Variants in TMPRSS11E observed in about 807,000 individuals in gnomAD.
The protein encoded by TMPRSS11E is transmembrane protease serine 11E.
A neutral mutation model predicts 48.1 loss-of-function variants in TMPRSS11E; 38 were observed. The ratio of observed to expected loss-of-function variants is 0.79; its 90% confidence interval spans 0.61 to 1.04. The LOEUF (loss-of-function observed/expected upper bound fraction) is 1.04. Among genes scored for constraint, TMPRSS11E ranks in the 50% least tolerant of loss-of-function variants. TMPRSS11E has a pLI of 0.00. For synonymous variants in TMPRSS11E, 158 were observed against 171.9 expected, an observed-to-expected ratio of 0.92 and a Z score of 0.63; for missense variants, 530 against 510.8, an observed-to-expected ratio of 1.04 and a Z score of -0.36.
intron 5 of TMPRSS11E, among the ~76,000 whole-genome samples, chr4:68,474,501 T>C (rs1259526814): frequency 6.6e-6 from 1 of 152,140 alleles, no homozygotes; most frequent in Non-Finnish European, 1.5e-5. Context: ...ATTATAAATA[T>C]GCTTCCTATG....
chr4:68,478,891 T>G lies in TMPRSS11E; in HGVS notation c.1010T>G (p.Ile337Arg). The G allele has an allele frequency of 2.5e-6, 4 of 1,614,062 alleles. No homozygotes were observed. The highest frequency in any genetic ancestry group is 3.4e-6 in the Non-Finnish European group (4 of 1,179,964). Residue 337 changes from isoleucine (I) to arginine (R), a missense_variant, in exon 9 of 10, where the codon ATA (isoleucine) becomes AGA (arginine). By Grantham distance (97) the Ile-to-Arg change is moderately conservative. Coordinates refer to ENST00000305363, the MANE Select transcript of TMPRSS11E (RefSeq NM_014058.4). Reference sequence around the variant, plus strand: ...CTTCGACAAGCACAGGTGACTCTCATAGACGCTACAACTTGCAATGAACCT... The same window carrying G: ...CTTCGACAAGCACAGGTGACTCTCAGAGACGCTACAACTTGCAATGAACCT... Reference protein sequence around the residue: ...NHLRQAQVTLIDATTCNEPQA... With the variant: ...NHLRQAQVTLRDATTCNEPQA...
chr4:68,496,983 G>A lies in TMPRSS11E; in HGVS notation c.*179G>A, dbSNP rs1379283109. 3 of 571,136 alleles carry A rather than the reference G, an allele frequency of 5.3e-6. No individual in the cohort carries two copies. The highest frequency in any genetic ancestry group is 9.2e-6 in the Non-Finnish European group (3 of 326,466). 35.4% of individuals were successfully genotyped at this position (571,136 alleles called of 1,614,324 possible). ...GCTCTGTTCCGCACATAAGCATCCT[G>A]CTTCTGCCAGATCAACTCTGTCATC... On this transcript the variant is annotated 3_prime_UTR_variant, in exon 10 of 10. Coordinates refer to ENST00000305363, the MANE Select transcript of TMPRSS11E (RefSeq NM_014058.4).
chr4:68,449,437 C>T (rs1293826538), intron 1 of TMPRSS11E, among the ~76,000 whole-genome samples: 1 of 151,384 alleles, frequency 6.6e-6, no homozygotes, highest in East Asian at 1.9e-4. Flanking sequence ...AATTTATAGG[C>T]ATCGACATCC....
chr4:68,464,252 C>T (rs1728870157), intron 2 of TMPRSS11E, among the ~76,000 whole-genome samples: 1 of 151,998 alleles, frequency 6.6e-6, no homozygotes, highest in Admixed American at 6.6e-5. Flanking sequence ...TCAAACCAAA[C>T]CAAAAAAATC....
chr4:68,477,559 G>A lies in TMPRSS11E; in HGVS notation c.898G>A (p.Asp300Asn). ...TGCAGTACATAGAGTTTGTCTCCCT[G>A]ATGCATCCTATGAGTTTCAACCAGG... ...TNAVHRVCLPDASYEFQPGDV... is the reference protein window; with the variant it reads ...TNAVHRVCLPNASYEFQPGDV... The change falls in exon 8 of 10, where the codon GAT becomes AAT. Residue 300 changes from aspartate (D) to asparagine (N), a missense_variant. Coordinates refer to ENST00000305363, the MANE Select transcript of TMPRSS11E (RefSeq NM_014058.4). 1 of 1,614,078 alleles carries A rather than the reference G, an allele frequency of 6.2e-7. No homozygotes were observed. The highest frequency in any genetic ancestry group is 8.5e-7 in the Non-Finnish European group (1 of 1,179,972).
At chr4:68,483,648 T>C (rs1355011880) in intron 9 of TMPRSS11E, among the ~76,000 whole-genome samples, 1 of 152,324 alleles carries the variant, frequency 6.6e-6, no homozygotes, top group East Asian at 1.9e-4. Flanking sequence ...TAGATCCCAG[T>C]TGTCAATTTT....
At chr4:68,457,374 G>C (rs1202992762) in intron 1 of TMPRSS11E, among the ~76,000 whole-genome samples, 2 of 152,050 alleles carry the variant, frequency 1.3e-5, no homozygotes, top group African/African-American at 4.8e-5. Context: ...TTAGAATGGC[G>C]ATCATTAAAA....
chr4:68,458,267 A>G (rs1728689098), intron 1 of TMPRSS11E, among the ~76,000 whole-genome samples: 1 of 151,912 alleles, frequency 6.6e-6, no homozygotes, highest in African/African-American at 2.4e-5. Flanking sequence ...CTTTTTTAGC[A>G]CTATTCTAAA....
intron 1 of TMPRSS11E, among the ~76,000 whole-genome samples, chr4:68,449,246 A>T (rs1728430069): frequency 6.6e-6 from 1 of 150,778 alleles, no homozygotes; most frequent in African/African-American, 2.4e-5. Flanking sequence ...TGAAGAGATC[A>T]ACACATGAAT....
At position 68,471,511 on chromosome 4, in the gene TMPRSS11E, C is replaced by A; in HGVS notation, c.378C>A (p.His126Gln). 1 of 1,605,950 alleles carries A rather than the reference C, an allele frequency of 6.2e-7. No individual in the cohort carries two copies. Among genetic ancestry groups the A allele is most frequent in the Non-Finnish European group, 8.5e-7 (1 of 1,176,772 alleles). ...ATATGCTGTTGATTTGTAGATTTCACTCTACTGAGGATCCTGAAACTGTAG... is the reference window on the plus strand; with the variant it reads ...ATATGCTGTTGATTTGTAGATTTCAATCTACTGAGGATCCTGAAACTGTAG... ...LAHMLLICRF[H>Q]STEDPETVDK... is the part of the protein sequence containing the mutation. Residue 126 changes from histidine (H) to glutamine (Q), a missense_variant, in exon 5 of 10, where the codon CAC (histidine) becomes CAA (glutamine). His to Gln is a conservative substitution (Grantham distance 24). Transcript: ENST00000305363.
At chr4:68,484,826 T>G (rs1195704973) in intron 9 of TMPRSS11E, among the ~76,000 whole-genome samples, 1 of 152,242 alleles carries the variant, frequency 6.6e-6, no homozygotes, top group East Asian at 1.9e-4. Context: ...TGAAGTTGTT[T>G]ATCAGTTCTA....
intron 5 of TMPRSS11E, among the ~76,000 whole-genome samples, chr4:68,473,750 C>CAT (rs1381092851): frequency 6.6e-6 from 1 of 152,078 alleles, no homozygotes; most frequent in Admixed American, 6.6e-5. Flanking sequence ...CAGAGCTTGA[C>CAT]ATTTTCCTAG....
intron 9 of TMPRSS11E, among the ~76,000 whole-genome samples, chr4:68,495,289 T>G (rs973464697): frequency 3.3e-5 from 5 of 152,052 alleles, no homozygotes; most frequent in Non-Finnish European, 7.4e-5. Flanking sequence ...TACTGCTATC[T>G]CTTTAAAATA....
intron 2 of TMPRSS11E, among the ~76,000 whole-genome samples, chr4:68,463,124 C>A (rs979773298): frequency 6.6e-6 from 1 of 152,120 alleles, no homozygotes; most frequent in Non-Finnish European, 1.5e-5. Flanking sequence ...TACTCTGTAA[C>A]CTGGTTATCT....
At chr4:68,471,050 T>C (rs1729050040) in intron 4 of TMPRSS11E, among the ~76,000 whole-genome samples, 1 of 152,026 alleles carries the variant, frequency 6.6e-6, no homozygotes, top group Admixed American at 6.6e-5. Flanking sequence ...ACTAGACCTT[T>C]TGATGGTAAG....
chr4:68,456,140 A>G (rs1177941397), intron 1 of TMPRSS11E, among the ~76,000 whole-genome samples: 2 of 152,092 alleles, frequency 1.3e-5, no homozygotes, highest in Non-Finnish European at 2.9e-5. Flanking sequence ...TGCCACTAAT[A>G]TTTATGTAGT....
At chr4:68,487,630 C>G (rs1729596501) in intron 9 of TMPRSS11E, among the ~76,000 whole-genome samples, 1 of 152,068 alleles carries the variant, frequency 6.6e-6, no homozygotes, top group African/African-American at 2.4e-5. Context: ...AATAAATTCC[C>G]TTAACATTTG....
chr4:68,448,611 T>C (rs34560006), intron 1 of TMPRSS11E, among the ~76,000 whole-genome samples: 7,483 of 152,036 alleles, frequency 0.049, 264 homozygotes, highest in South Asian at 0.08. Context: ...GGAATTTGGT[T>C]ATAAATGTGT....
intron 8 of TMPRSS11E, among the ~76,000 whole-genome samples, 185 bp from the exon 9 acceptor site, chr4:68,478,664 A>G (rs1729311687): frequency 6.6e-6 from 1 of 151,702 alleles, no homozygotes; most frequent in Non-Finnish European, 1.5e-5. Flanking sequence ...CATGTTGGCC[A>G]AGCTGGTCTT....
Sources: allele counts gnomAD v4.1 joint callset (sites outside exome capture counted in the v4.1 genomes callset), GRCh38; gene constraint gnomAD v4.1.1; transcripts MANE v1.5; gene names NCBI Gene and HGNC (gene_info 2026-07-23, HGNC 2026-07-21).